Variants in MBD3 observed in about 807,000 individuals in gnomAD.
MBD3 encodes the protein methyl-CpG binding domain protein 3.
MBD3 carries 13 observed loss-of-function variants against 31.2 expected under a neutral mutation model. The observed-to-expected ratio is 0.42, with a 90% CI of 0.27 to 0.66. MBD3 has a LOEUF of 0.66. MBD3 is among the 30% of genes least tolerant of loss of function. The pLI is 0.26. For synonymous variants in MBD3, 223 were observed against 187.4 expected, an observed-to-expected ratio of 1.19 and a Z score of -1.55; for missense variants, 440 against 426.5, an observed-to-expected ratio of 1.03 and a Z score of -0.28.
intron 1 of MBD3, chr19:1,591,973 C>T (rs545918740): frequency 6.6e-6 from 1 of 152,156 alleles, no homozygotes; most frequent in African/African-American, 2.4e-5. Context: ...CGGAAGGAGT[C>T]AAGGGGAATA....
Position 1,576,502 on chromosome 19 carries a change from G to A in MBD3, c.*1662C>T, listed in dbSNP as rs1917195049. On this transcript the variant is annotated 3_prime_UTR_variant, in exon 7 of 7. Coordinates refer to ENST00000434436, the MANE Select transcript of MBD3 (RefSeq NM_001281453.2). The stretch of plus-strand genomic sequence containing the variant: ...CACGGCCCTTGCCCACAGATGCCCA[G>A]GCCGGCCTGGTCTTCTCTGAATACC... The A allele has an allele frequency of 6.6e-6, 1 of 152,304 alleles. No individual in the cohort carries two copies. The highest frequency in any genetic ancestry group is 1.5e-5 in the Non-Finnish European group (1 of 68,104). 9.4% of individuals were successfully genotyped at this position (152,304 alleles called of 1,614,324 possible). A position where few individuals can be genotyped will look rare whatever the true frequency, so the allele number is the denominator to read the frequency against.
intron 2 of MBD3, 93 bp from the exon 3 acceptor site, chr19:1,584,770 C>T (rs1185068295): frequency 1.3e-5 from 17 of 1,333,302 alleles, no homozygotes; most frequent in African/African-American, 4.4e-5. Context: ...CCTGCTTTGC[C>T]GGCGCCCCTC....
At chr19:1,581,343 A>G in intron 4 of MBD3, 74 bp from the exon 5 acceptor site, 1 of 1,488,964 alleles carries the variant, frequency 6.7e-7, no homozygotes, top group South Asian at 1.2e-5. Context: ...CAGGCCACGG[A>G]AATGCCCCAA....
In MBD3 at chr19:1,579,303, G is replaced by A. The variant is rs549126612; in HGVS notation, c.678-765C>T. Among the ~76,000 whole-genome samples, 4 of 150,812 alleles carry A rather than the reference G, an allele frequency of 2.7e-5. No homozygotes were observed. The South Asian group carries it at 8.4e-4, about 32-fold the overall frequency. ...TTTCCGCTGCCCACTATGCACCAGC[G>A]TGTACTCCTTTACCATGGCTCGGGC... On this transcript the variant is annotated intron_variant, in intron 5 of 6. Transcript: ENST00000434436.
In MBD3 at chr19:1,575,398, C is replaced by A; in HGVS notation, c.*2766G>T. On this transcript the variant is annotated 3_prime_UTR_variant, in exon 7 of 7. Transcript: ENST00000434436. ...CTGTGCAACAAGAGCGAAAGAAGAG[C>A]GAAACTCTTGTCTAAAAAAAAAAAA... The A allele has an allele frequency of 6.3e-6, 2 of 315,356 alleles. No homozygotes were observed. The highest frequency in any genetic ancestry group is 1.3e-5 in the Non-Finnish European group (2 of 154,902). The allele number at this position is 315,356 out of a possible 1,614,324, so 19.5% of individuals were successfully genotyped here. A position where few individuals can be genotyped will look rare whatever the true frequency, so the allele number is the denominator to read the frequency against.
chr19:1,587,683 T>C (rs2145607001), intron 1 of MBD3, among the ~76,000 whole-genome samples: 1 of 152,352 alleles, frequency 6.6e-6, no homozygotes, highest in East Asian at 1.9e-4. Flanking sequence ...CCAAAGGGAT[T>C]ATAGGCGGCA....
At position 1,578,816 on chromosome 19, in the gene MBD3, T is replaced by C. The variant is rs950016704; in HGVS notation, c.678-278A>G. 1.3e-5 allele frequency among the ~76,000 whole-genome samples: 2 copies of C among 152,172 alleles called. No homozygotes were observed. The highest frequency in any genetic ancestry group is 4.8e-5 in the African/African-American group (2 of 41,438). On this transcript the variant is annotated intron_variant, in intron 5 of 6. Transcript: ENST00000434436. This position sits in a 1 kb window ranked among gnomAD's most constrained non-coding sequence, Gnocchi z 6.1. ...GGCCTGACCCTTCAGTCCCCAGACT[T>C]GGCCCTGAGCCTCCCCGGGGCTCAG...
rs1302651816 is a variant in MBD3 at position 1,575,261 on chromosome 19, C to G, written c.*2903G>C. 4.7e-6 allele frequency: 2 copies of G among 428,920 alleles called. No individual in the cohort carries two copies. The highest frequency in any genetic ancestry group is 9.6e-6 in the Non-Finnish European group (2 of 208,520). The allele number at this position is 428,920 out of a possible 1,614,324, so 26.6% of individuals were successfully genotyped here. A position where few individuals can be genotyped will look rare whatever the true frequency, so the allele number is the denominator to read the frequency against. On this transcript the variant is annotated 3_prime_UTR_variant, in exon 7 of 7. Transcript: ENST00000434436. ...ACTGGCCAACATGGTGAAACCCTGTCTCTATTAAAAATACAAAAATTAGCT... is the reference window on the plus strand; with the variant it reads ...ACTGGCCAACATGGTGAAACCCTGTGTCTATTAAAAATACAAAAATTAGCT...
At chr19:1,589,938 G>C (rs975753370) in intron 1 of MBD3, among the ~76,000 whole-genome samples, 2 of 152,324 alleles carry the variant, frequency 1.3e-5, no homozygotes, top group African/African-American at 2.4e-5. Flanking sequence ...AATGAGGACA[G>C]AGCTGCTTTT....
chr19:1,592,804 G>T lies in MBD3; in HGVS notation c.-173C>A, dbSNP rs1309857862. ...CAGCCGGGCGCGCGCCGGCTTTGCC[G>T]CCCTTTCGGCCCCCTCCCCGCGCTC... On this transcript the variant is annotated 5_prime_UTR_variant, in exon 1 of 7. Coordinates refer to ENST00000434436, the MANE Select transcript of MBD3 (RefSeq NM_001281453.2). The T allele has an allele frequency of 2.2e-5, 3 of 135,318 alleles. No homozygotes were observed. Among genetic ancestry groups the T allele is most frequent in the Non-Finnish European group, 4.8e-5 (3 of 63,018 alleles). 8.4% of individuals were successfully genotyped at this position (135,318 alleles called of 1,614,324 possible).
In MBD3 at chr19:1,582,724, A is replaced by G; in HGVS notation, c.409-12T>C. ...TTCTCCCAGAAGAGCTGCCCCAGACACATATGTGAACCTCAAGAGTGGCCC... is the reference window on the plus strand; with the variant it reads ...TTCTCCCAGAAGAGCTGCCCCAGACGCATATGTGAACCTCAAGAGTGGCCC... On this transcript the variant is annotated splice_polypyrimidine_tract_variant and intron_variant, in intron 3 of 6. Transcript: ENST00000434436. 2 of 1,610,514 alleles carry G rather than the reference A, an allele frequency of 1.2e-6. No individual in the cohort carries two copies. Among genetic ancestry groups the G allele is most frequent in the South Asian group, 1.1e-5 (1 of 90,396 alleles).
chr19:1,581,677 A>G, intron 4 of MBD3: 2 of 330,874 alleles, frequency 6.0e-6, no homozygotes. Flanking sequence ...CCCGGGAGGT[A>G]GAGGCTGCTG....
intron 1 of MBD3, among the ~76,000 whole-genome samples, chr19:1,591,114 T>G (rs1255723995): frequency 6.6e-6 from 1 of 152,184 alleles, no homozygotes; most frequent in African/African-American, 2.4e-5. Flanking sequence ...CGCCTCTCCC[T>G]GTCACTCAAT....
rs1366759244 is a variant in MBD3 at position 1,578,566 on chromosome 19, C to T, written c.678-28G>A. ...GGGGACACATGGACCTTGCGTTACA[C>T]CAAGGTGAGCGGCCAGCAGGACATG... On this transcript the variant is annotated intron_variant, in intron 5 of 6. Transcript: ENST00000434436. This position sits in a 1 kb window ranked among gnomAD's most constrained non-coding sequence, Gnocchi z 6.1. The T allele has an allele frequency of 2.5e-6, 4 of 1,610,132 alleles. No homozygotes were observed. The highest frequency in any genetic ancestry group is 1.3e-5 in the African/African-American group (1 of 75,046).
Position 1,575,415 on chromosome 19 carries a change from A to G in MBD3, c.*2749T>C, listed in dbSNP as rs1288648567. ...AAGAAGAGCGAAACTCTTGTCTAAAAAAAAAAAAAGTCCCAGAAGGTCTTG... is the reference window on the plus strand; with the variant it reads ...AAGAAGAGCGAAACTCTTGTCTAAAGAAAAAAAAAGTCCCAGAAGGTCTTG... On this transcript the variant is annotated 3_prime_UTR_variant, in exon 7 of 7. Coordinates refer to ENST00000434436, the MANE Select transcript of MBD3 (RefSeq NM_001281453.2). 1 of 330,008 alleles carries G rather than the reference A, an allele frequency of 3.0e-6. No homozygotes were observed. Among genetic ancestry groups the G allele is most frequent in the Non-Finnish European group, 6.1e-6 (1 of 164,264 alleles). 20.4% of individuals were successfully genotyped at this position (330,008 alleles called of 1,614,324 possible).
At chr19:1,584,818 G>A (rs1211609636) in intron 2 of MBD3, 141 bp from the exon 3 acceptor site, 2 of 1,012,636 alleles carry the variant, frequency 2.0e-6, no homozygotes, top group Non-Finnish European at 2.7e-6. Context: ...ACGGTCCGGG[G>A]AGGCCGCTCC....
At chr19:1,583,543 T>TG (rs760175901) in intron 3 of MBD3, among the ~76,000 whole-genome samples, 3 of 151,760 alleles carry the variant, frequency 2.0e-5, no homozygotes, top group African/African-American at 7.3e-5. Flanking sequence ...TGAAAATATT[T>TG]GGGGGGAAAA....
chr19:1,582,494 CT>C (rs2060657441), intron 4 of MBD3, 127 bp downstream of exon 4: 2 of 862,134 alleles, frequency 2.3e-6, no homozygotes, highest in Non-Finnish European at 3.8e-6. Flanking sequence ...GCCCCAGTCG[CT>C]GGCAGATTTG....
Position 1,576,742 on chromosome 19 carries a change from C to T in MBD3, c.*1422G>A, listed in dbSNP as rs1917201588. Reference sequence around the variant, plus strand: ...TCCCCACGCCCACGGCTCCCTCCACCAGGCAGACAGAGGGGAGGCCACCCC... The same window carrying T: ...TCCCCACGCCCACGGCTCCCTCCACTAGGCAGACAGAGGGGAGGCCACCCC... On this transcript the variant is annotated 3_prime_UTR_variant, in exon 7 of 7. Transcript: ENST00000434436. The T allele has an allele frequency of 1.3e-5, 2 of 152,368 alleles. No homozygotes were observed. Among genetic ancestry groups the T allele is most frequent in the African/African-American group, 2.4e-5 (1 of 41,474 alleles). The allele number at this position is 152,368 out of a possible 1,614,324, so 9.4% of individuals were successfully genotyped here.
Sources: allele counts gnomAD v4.1 joint callset (sites outside exome capture counted in the v4.1 genomes callset), GRCh38; gene constraint gnomAD v4.1.1; non-coding constraint Gnocchi (gnomAD v3.1); transcripts MANE v1.5; gene names NCBI Gene and HGNC (gene_info 2026-07-23, HGNC 2026-07-21).